The following KLF12 variants were observed in gnomAD, a reference collection of about 807,000 sequenced individuals.
KLF12 encodes KLF transcription factor 12.
KLF12 carries 9 observed loss-of-function variants against 37.8 expected under a neutral mutation model. That is an observed-to-expected ratio of 0.24 (90% confidence interval 0.14 to 0.42). The LOEUF (loss-of-function observed/expected upper bound fraction) is 0.42, where lower values mean the gene tolerates loss of function less well. Ranked by LOEUF, KLF12 falls within the 10% of genes least tolerant of loss-of-function variation. The pLI is 1.00. For synonymous variants in KLF12, 208 were observed against 202.1 expected (o/e 1.03, Z -0.25); for missense variants, 411 against 516.0 (o/e 0.80, Z 1.97).
At chr13:74,038,473 T>C (rs761157739) in intron 1 of KLF12, among the ~76,000 whole-genome samples, 14 of 152,114 alleles carry the variant, frequency 9.2e-5, no homozygotes, top group Non-Finnish European at 1.9e-4. Context: ...CAAAAAGCAG[T>C]GCAGGAGGGA....
rs373662403 is a variant in KLF12 at position 74,101,904 on chromosome 13, G to T, written c.-32+31835C>A. ...ACGATCACTGTGGTGGCTGGTTTAGGCAGGGTAACTCAATAAAGAATATGC... is the reference window on the plus strand; with the variant it reads ...ACGATCACTGTGGTGGCTGGTTTAGTCAGGGTAACTCAATAAAGAATATGC... On this transcript the variant is annotated intron_variant, in intron 1 of 7. Transcript: ENST00000377669. Among the ~76,000 whole-genome samples, 11 of 152,266 alleles carry T rather than the reference G, an allele frequency of 7.2e-5. No homozygotes were observed. The East Asian group carries it at 1.2e-3, about 16-fold the overall frequency.
At chr13:73,797,492 G>A (rs911832342) in intron 5 of KLF12, among the ~76,000 whole-genome samples, 8 of 152,268 alleles carry the variant, frequency 5.3e-5, no homozygotes, top group East Asian at 1.9e-4. Flanking sequence ...AGGGGAGGCC[G>A]GGTGCAGTGG....
intron 6 of KLF12, among the ~76,000 whole-genome samples, chr13:73,738,144 TAC>T (rs1877661705): frequency 1.9e-5 from 2 of 106,994 alleles, no homozygotes; most frequent in Non-Finnish European, 1.9e-5. Context: ...CACATATATA[TAC>T]ACACACACAT....
intron 1 of KLF12, among the ~76,000 whole-genome samples, chr13:74,037,188 G>A (rs939361119): frequency 7.3e-6 from 1 of 136,282 alleles, no homozygotes; most frequent in African/African-American, 2.8e-5. Context: ...AGGCAACAGA[G>A]CAAGACTCCG....
At chr13:73,761,877 G>A (rs1424416897) in intron 6 of KLF12, among the ~76,000 whole-genome samples, 2 of 152,056 alleles carry the variant, frequency 1.3e-5, no homozygotes, top group East Asian at 3.9e-4. Flanking sequence ...AAAGAGGAGC[G>A]GTCTGATGAA....
At chr13:73,766,254 G>A (rs1035922544) in intron 5 of KLF12, among the ~76,000 whole-genome samples, 2 of 152,190 alleles carry the variant, frequency 1.3e-5, no homozygotes, top group Non-Finnish European at 2.9e-5. Context: ...TTCAAGCACG[G>A]CCCACTTCCT....
chr13:73,829,227 C>T (rs1275086255), intron 4 of KLF12, among the ~76,000 whole-genome samples: 1 of 152,108 alleles, frequency 6.6e-6, no homozygotes, highest in Admixed American at 6.6e-5. Context: ...ATACACTGCA[C>T]AATTCCCGGG....
chr13:73,880,189 C>T (rs1274506713), intron 3 of KLF12, among the ~76,000 whole-genome samples: 1 of 152,192 alleles, frequency 6.6e-6, no homozygotes, highest in African/African-American at 2.4e-5. Context: ...TGGAAACTGA[C>T]ACTCAGCCCA....
intron 6 of KLF12, among the ~76,000 whole-genome samples, chr13:73,742,908 G>A (rs371520328): frequency 1.4e-4 from 21 of 152,108 alleles, no homozygotes; most frequent in African/African-American, 4.8e-4. Flanking sequence ...ATCCCATGAA[G>A]GACTTGATAT....
chr13:74,042,390 G>C (rs996308815), intron 1 of KLF12, among the ~76,000 whole-genome samples: 1 of 151,856 alleles, frequency 6.6e-6, no homozygotes, highest in African/African-American at 2.4e-5. Flanking sequence ...TGCATTCAGC[G>C]TTAAGGACCC....
intron 2 of KLF12, among the ~76,000 whole-genome samples, chr13:73,984,288 C>A (rs113819175): frequency 6.6e-6 from 1 of 152,150 alleles, no homozygotes; most frequent in African/African-American, 2.4e-5. Context: ...AAGCACCTGC[C>A]GCATGCATCT....
At chr13:74,241,993 G>A in the KLF12 span, among the ~76,000 whole-genome samples, 1 of 152,114 alleles carries the variant, frequency 6.6e-6, no homozygotes, top group Non-Finnish European at 1.5e-5. Context: ...TTTTAAAGTA[G>A]GAATATTAAA....
At chr13:74,150,811 G>T in the KLF12 span, among the ~76,000 whole-genome samples, 1 of 152,128 alleles carries the variant, frequency 6.6e-6, no homozygotes, top group Non-Finnish European at 1.5e-5. Context: ...CACAAACAGT[G>T]TGGATACACT....
the KLF12 span, among the ~76,000 whole-genome samples, chr13:74,249,543 G>A: frequency 6.6e-6 from 1 of 152,060 alleles, no homozygotes; most frequent in East Asian, 1.9e-4. Context: ...AGGGGTGGGT[G>A]GGTAGGAGGA....
At chr13:74,122,960 T>A (rs1372833478) in intron 1 of KLF12, among the ~76,000 whole-genome samples, 8 of 113,870 alleles carry the variant, frequency 7.0e-5, no homozygotes, top group South Asian at 6.1e-4. Flanking sequence ...AACAGGTCAC[T>A]AAAAAAAAAA....
the KLF12 span, among the ~76,000 whole-genome samples, chr13:74,221,296 G>A: frequency 6.6e-6 from 1 of 152,130 alleles, no homozygotes; most frequent in South Asian, 2.1e-4. Context: ...GTGAGCCACC[G>A]CGCCCAGCCA....
chr13:74,291,108 G>A, the KLF12 span, among the ~76,000 whole-genome samples: 3 of 152,200 alleles, frequency 2.0e-5, no homozygotes, highest in Non-Finnish European at 4.4e-5. Flanking sequence ...GGGCATTGGA[G>A]GAGGGAAAAC....
At chr13:73,827,070 C>T (rs900866382) in intron 4 of KLF12, among the ~76,000 whole-genome samples, 1 of 152,110 alleles carries the variant, frequency 6.6e-6, no homozygotes, top group Non-Finnish European at 1.5e-5. Context: ...CATGAGCCTC[C>T]GCAACTGGCC....
chr13:74,028,374 A>G (rs1257009028), intron 1 of KLF12, among the ~76,000 whole-genome samples: 1 of 152,186 alleles, frequency 6.6e-6, no homozygotes, highest in African/African-American at 2.4e-5. Flanking sequence ...AAAAGAGCTT[A>G]TTTTGCAATA....
Sources: allele counts gnomAD v4.1 joint callset (sites outside exome capture counted in the v4.1 genomes callset), GRCh38; gene constraint gnomAD v4.1.1; transcripts MANE v1.5; gene names NCBI Gene and HGNC (gene_info 2026-07-23, HGNC 2026-07-21).